The following DYNC1H1 variants were observed in gnomAD, a reference collection of about 807,000 sequenced individuals.
DYNC1H1 encodes cytoplasmic dynein 1 heavy chain 1.
A neutral mutation model predicts 527.1 loss-of-function variants in DYNC1H1; 51 were observed. The ratio of observed to expected loss-of-function variants is 0.10; its 90% CI spans 0.08 to 0.12. The LOEUF (loss-of-function observed/expected upper bound fraction) is 0.12, where lower values mean the gene tolerates loss of function less well. Among genes scored for constraint, DYNC1H1 ranks in the 10% least tolerant of loss-of-function variants. DYNC1H1 has a pLI of 1.00. For synonymous variants in DYNC1H1, 2,189 were observed against 2,278.8 expected (o/e 0.96, Z 1.12); for missense variants, 2,771 against 5,971.8 (o/e 0.46, Z 17.66).
At chr14:102,046,798 G>T (rs946928806) in intron 72 of DYNC1H1, among the ~76,000 whole-genome samples, 3 of 142,868 alleles carry the variant, frequency 2.1e-5, no homozygotes, top group African/African-American at 7.7e-5. Flanking sequence ...TGCTGGTTCC[G>T]TTTTTTTTTT....
At chr14:102,043,041 G>A in intron 69 of DYNC1H1, 2 of 414,468 alleles carry the variant, frequency 4.8e-6, no homozygotes, top group East Asian at 1.1e-4. Context: ...CTGCACTTTG[G>A]GAGGCTGAGG....
chr14:102,012,497 C>G lies in DYNC1H1; in HGVS notation c.7014+27C>G. The G allele has an allele frequency of 6.2e-7, 1 of 1,614,138 alleles. No individual in the cohort carries two copies. Among genetic ancestry groups the G allele is most frequent in the South Asian group, 1.1e-5 (1 of 91,072 alleles). ...TAAGTAGCCTTTTGTATGTCGTCAA[C>G]TGAATAATTCCTTTTGGCCAACTAA... On this transcript the variant is annotated intron_variant, in intron 34 of 77. Coordinates refer to ENST00000360184, the MANE Select transcript of DYNC1H1 (RefSeq NM_001376.5). This position sits in a 1 kb window ranked among gnomAD's most constrained non-coding sequence, Gnocchi z 4.9.
Position 102,002,834 on chromosome 14 carries a change from G to A in DYNC1H1, c.4752G>A (p.Lys1584=), listed in dbSNP as rs1436095321. The A allele has an allele frequency of 6.2e-7, 1 of 1,614,126 alleles. No homozygotes were observed. The highest frequency in any genetic ancestry group is 1.3e-5 in the African/African-American group (1 of 74,946). The change falls in exon 23 of 78, where the codon AAG becomes AAA. Residue 1584 remains lysine (K), a synonymous_variant. Coordinates refer to ENST00000360184, the MANE Select transcript of DYNC1H1 (RefSeq NM_001376.5). The surrounding 1 kb of genome is among the most constrained non-coding windows in gnomAD (Gnocchi z 4.4). The part of the protein sequence containing the change: ...EFLALMKKVS[K]SPLVMDVLNI... ...TGGCTCTAATGAAAAAAGTGTCCAA[G>A]TCTCCCCTTGTTATGGATGTTCTGA... is the stretch of plus-strand genomic sequence containing the variant.
At position 101,964,607 on chromosome 14, in the gene DYNC1H1, G is replaced by T. The variant is rs1187009951; in HGVS notation, c.-85G>T. The T allele has an allele frequency of 2.6e-6, 4 of 1,530,626 alleles. No individual in the cohort carries two copies. The highest frequency in any genetic ancestry group is 3.5e-6 in the Non-Finnish European group (4 of 1,144,396). The allele number at this position is 1,530,626 out of a possible 1,614,324, so 94.8% of individuals were successfully genotyped here. On this transcript the variant is annotated 5_prime_UTR_variant, in exon 1 of 78. Transcript: ENST00000360184. The surrounding 1 kb of genome is among the most constrained non-coding windows in gnomAD (Gnocchi z 5.5). Reference sequence around the variant, plus strand: ...TGGGCTAGCGGACGGTCCGGCTTCCGGCGGCCGTTTCTGTCTCTTGCTGGC... The same window carrying T: ...TGGGCTAGCGGACGGTCCGGCTTCCTGCGGCCGTTTCTGTCTCTTGCTGGC...
chr14:102,029,097 G>A lies in DYNC1H1; in HGVS notation c.9469-442G>A. The A allele has an allele frequency of 4.1e-6, 1 of 243,244 alleles. No individual in the cohort carries two copies. The highest frequency in any genetic ancestry group is 5.3e-5 in the South Asian group (1 of 18,754). 15.1% of individuals were successfully genotyped at this position (243,244 alleles called of 1,614,324 possible). ...CCTGCAGGCCATCTCCATTGCCCTT[G>A]GAATGTCGTCCAGCCCTGGCTTCCC... On this transcript the variant is annotated intron_variant, in intron 48 of 77. Coordinates refer to ENST00000360184, the MANE Select transcript of DYNC1H1 (RefSeq NM_001376.5). This position sits in a 1 kb window ranked among gnomAD's most constrained non-coding sequence, Gnocchi z 5.3.
In DYNC1H1 at chr14:102,050,943, A is replaced by G. The variant is rs2048801741; in HGVS notation, c.*380A>G. 2.9e-6 allele frequency: 1 copy of G among 345,990 alleles called. No individual in the cohort carries two copies. Among genetic ancestry groups the G allele is most frequent in the Admixed American group, 4.1e-5 (1 of 24,440 alleles). 21.4% of individuals were successfully genotyped at this position (345,990 alleles called of 1,614,324 possible). On this transcript the variant is annotated 3_prime_UTR_variant, in exon 78 of 78. Coordinates refer to ENST00000360184, the MANE Select transcript of DYNC1H1 (RefSeq NM_001376.5). ...TCCCGAGCGGCCACAGCACTCATGA[A>G]TGAAGACCTTGGGGCCCTTCACAGA...
Position 102,001,394 on chromosome 14 carries a change from CG to C in DYNC1H1, c.4395+43del, listed in dbSNP as rs17512264. On this transcript the variant is annotated intron_variant, in intron 20 of 77. Transcript: ENST00000360184. The surrounding 1 kb of genome is among the most constrained non-coding windows in gnomAD (Gnocchi z 5.0). Reference sequence around the variant, plus strand: ...TGAACGGCTGCTTTACGTTGTGTTTCGGGCTGTTACATAGATCTGAGCTATG... The same window carrying C: ...TGAACGGCTGCTTTACGTTGTGTTTCGGCTGTTACATAGATCTGAGCTATG... The C allele has an allele frequency of 3.9e-3, 6,277 of 1,613,490 alleles. 138 individuals carry two copies. In the Admixed American group the frequency reaches 0.042, roughly 11 times the overall value.
intron 1 of DYNC1H1, among the ~76,000 whole-genome samples, chr14:101,974,375 AG>A (rs2047776685): frequency 6.6e-6 from 1 of 151,986 alleles, no homozygotes; most frequent in Non-Finnish European, 1.5e-5. Flanking sequence ...CTGGGATTGC[AG>A]GCATGCGCCA....
chr14:101,979,687 A>C lies in DYNC1H1; in HGVS notation c.519-32A>C. ...GGATCTCTTTGGAGACCAATAGCACACTAAATGTTGAGGTATGAAATCTGT... is the reference window on the plus strand; with the variant it reads ...GGATCTCTTTGGAGACCAATAGCACCCTAAATGTTGAGGTATGAAATCTGT... On this transcript the variant is annotated intron_variant, in intron 3 of 77. Transcript: ENST00000360184. This position sits in a 1 kb window ranked among gnomAD's most constrained non-coding sequence, Gnocchi z 4.6. 1 of 1,613,416 alleles carries C rather than the reference A, an allele frequency of 6.2e-7. No individual in the cohort carries two copies. The highest frequency in any genetic ancestry group is 8.5e-7 in the Non-Finnish European group (1 of 1,180,024).
chr14:102,055,705 G>C lies in DYNC1H1; in HGVS notation c.*5142G>C, dbSNP rs995662088. On this transcript the variant is annotated 3_prime_UTR_variant, in exon 78 of 78. Coordinates refer to ENST00000360184, the MANE Select transcript of DYNC1H1 (RefSeq NM_001376.5). ...TCCTCCGCGGCACCTCCAGGTATCTGGTTGCTCAGGCTGAAATGTTTCCCA... is the reference window on the plus strand; with the variant it reads ...TCCTCCGCGGCACCTCCAGGTATCTCGTTGCTCAGGCTGAAATGTTTCCCA... The C allele has an allele frequency of 6.6e-6, 1 of 152,582 alleles. No homozygotes were observed. Among genetic ancestry groups the C allele is most frequent in the East Asian group, 1.9e-4 (1 of 5,204 alleles). 9.5% of individuals were successfully genotyped at this position (152,582 alleles called of 1,614,324 possible).
chr14:102,007,688 C>T (rs1220550593), intron 28 of DYNC1H1, among the ~76,000 whole-genome samples: 1 of 152,108 alleles, frequency 6.6e-6, no homozygotes, highest in Non-Finnish European at 1.5e-5. Context: ...TTGCCCAAGG[C>T]CAAGCAGATT....
chr14:102,030,153 C>T lies in DYNC1H1; in HGVS notation c.9763-9C>T. 3 of 1,614,092 alleles carry T rather than the reference C, an allele frequency of 1.9e-6. No homozygotes were observed. Among genetic ancestry groups the T allele is most frequent in the Non-Finnish European group, 2.5e-6 (3 of 1,180,030 alleles). On this transcript the variant is annotated splice_polypyrimidine_tract_variant and intron_variant, in intron 50 of 77. Coordinates refer to ENST00000360184, the MANE Select transcript of DYNC1H1 (RefSeq NM_001376.5). ...CTTAACCCATACCTAAGCCATCCCT[C>T]CTTTCTAGGTTATGAGCCAAGAAAT...
intron 43 of DYNC1H1, chr14:102,023,950 T>C (rs1401883741): frequency 1.3e-5 from 2 of 152,194 alleles, no homozygotes; most frequent in East Asian, 3.8e-4. Context: ...TAAAATGCAC[T>C]ATAAAATAGG....
At position 101,985,962 on chromosome 14, in the gene DYNC1H1, C is replaced by T. The variant is rs372447391; in HGVS notation, c.1737C>T (p.Asn579=). 15 of 1,614,066 alleles carry T rather than the reference C, an allele frequency of 9.3e-6. No homozygotes were observed. The highest frequency in any genetic ancestry group is 5.3e-5 in the African/African-American group (4 of 74,934). Residue 579 remains asparagine, a synonymous_variant, in exon 8 of 78, where the codon AAC becomes AAT. Coordinates refer to ENST00000360184, the MANE Select transcript of DYNC1H1 (RefSeq NM_001376.5). The surrounding 1 kb of genome is among the most constrained non-coding windows in gnomAD (Gnocchi z 5.9). The part of the protein sequence containing the change: ...RDQLGTAKNA[N]EMFRIFSRFN... ...AGCTTGGCACAGCCAAGAATGCCAA[C>T]GAGATGTTTAGGATTTTCTCCAGGT...
chr14:102,010,245 T>C lies in DYNC1H1; in HGVS notation c.6222-31T>C, dbSNP rs1478191321. On this transcript the variant is annotated intron_variant, in intron 30 of 77. Transcript: ENST00000360184. The surrounding 1 kb of genome is among the most constrained non-coding windows in gnomAD (Gnocchi z 6.0). ...TATTATTGCTTAAAGTATACTGTTA[T>C]TAAAGATAGCCTTTTTTTCTTCTTT... The C allele has an allele frequency of 7.4e-5, 120 of 1,613,686 alleles. No individual in the cohort carries two copies. Among genetic ancestry groups the C allele is most frequent in the Non-Finnish European group, 9.4e-5 (111 of 1,180,002 alleles).
rs2047933410 is a variant in DYNC1H1 at position 101,986,061 on chromosome 14, G to A, written c.1836G>A (p.Val612=). 1 of 1,614,122 alleles carries A rather than the reference G, an allele frequency of 6.2e-7. No individual in the cohort carries two copies. Among genetic ancestry groups the A allele is most frequent in the South Asian group, 1.1e-5 (1 of 91,084 alleles). The change falls in exon 8 of 78, where the codon GTG becomes GTA. Residue 612 remains valine, a synonymous_variant. Coordinates refer to ENST00000360184, the MANE Select transcript of DYNC1H1 (RefSeq NM_001376.5). The surrounding 1 kb of genome is among the most constrained non-coding windows in gnomAD (Gnocchi z 8.7). ...REYQTQLIQR[V]KDDIESLHDK... is the part of the protein sequence containing the mutation. ...ACCAGACCCAGCTGATCCAGCGCGT[G>A]AAAGATGACATTGAGTCTCTTCACG... is the stretch of plus-strand genomic sequence containing the variant.
rs746158536 is a variant in DYNC1H1 at position 102,011,888 on chromosome 14, A to G, written c.6632A>G (p.Tyr2211Cys). ...TGGGCCCTGCAGGTTCTCCAGCTCT[A>G]TCAGATCACCCAGATCAATCATGGC... ...GMWVEKVLQL[Y>C]QITQINHGLM... Residue 2211 changes from tyrosine to cysteine, a missense_variant, in exon 33 of 78, where the codon TAT becomes TGT. Physicochemically the swap from Tyr to Cys is radical, Grantham distance 194 (BLOSUM62 -2). This residue lies in a region of DYNC1H1 where 56 missense variants were observed against 140.6 expected (regional missense o/e 0.40). Coordinates refer to ENST00000360184, the MANE Select transcript of DYNC1H1 (RefSeq NM_001376.5). This position sits in a 1 kb window ranked among gnomAD's most constrained non-coding sequence, Gnocchi z 5.3. The G allele has an allele frequency of 1.3e-5, 21 of 1,614,112 alleles. No individual in the cohort carries two copies. Among genetic ancestry groups the G allele is most frequent in the Non-Finnish European group, 1.5e-5 (18 of 1,180,036 alleles).
At position 102,044,477 on chromosome 14, in the gene DYNC1H1, G is replaced by A. The variant is rs1392473036; in HGVS notation, c.12888G>A (p.Met4296Ile). 1.2e-6 allele frequency: 2 copies of A among 1,614,224 alleles called. No individual in the cohort carries two copies. Among genetic ancestry groups the A allele is most frequent in the East Asian group, 2.2e-5 (1 of 44,888 alleles). ...CKVDGHKDIQ[M>I]PDGIRREEFV... ...TCGACGGACATAAAGACATTCAAAT[G>A]CCAGATGGCATCAGGTATGCTGCTG... The change falls in exon 71 of 78, where the codon ATG becomes ATA. Residue 4296 changes from methionine (M) to isoleucine (I), a missense_variant. Coordinates refer to ENST00000360184, the MANE Select transcript of DYNC1H1 (RefSeq NM_001376.5). This position sits in a 1 kb window ranked among gnomAD's most constrained non-coding sequence, Gnocchi z 7.1.
rs1281197814 is a variant in DYNC1H1 at position 102,002,179 on chromosome 14, C to T, written c.4543-358C>T. Among the ~76,000 whole-genome samples, 2 of 151,540 alleles carry T rather than the reference C, an allele frequency of 1.3e-5. No individual in the cohort carries two copies. The highest frequency in any genetic ancestry group is 4.9e-5 in the African/African-American group (2 of 41,160). On this transcript the variant is annotated intron_variant, in intron 21 of 77. Transcript: ENST00000360184. The surrounding 1 kb of genome is among the most constrained non-coding windows in gnomAD (Gnocchi z 4.4). Reference sequence around the variant, plus strand: ...AGGCTGGAGTGCAATGGCACGATCTCGGCTCACTGCAACCTCTGCCTCCCG... The same window carrying T: ...AGGCTGGAGTGCAATGGCACGATCTTGGCTCACTGCAACCTCTGCCTCCCG...
Sources: allele counts gnomAD v4.1 joint callset (sites outside exome capture counted in the v4.1 genomes callset), GRCh38; gene constraint gnomAD v4.1.1; regional missense constraint gnomAD v4.1.1; non-coding constraint Gnocchi (gnomAD v3.1); transcripts MANE v1.5; gene names NCBI Gene and HGNC (gene_info 2026-07-23, HGNC 2026-07-21).